CDH13: variants seen among roughly 807,000 people sequenced by gnomAD.
CDH13 encodes cadherin-13.
In CDH13, 24 loss-of-function variants were observed where a neutral mutation model predicts 63.8. The ratio of observed to expected loss-of-function variants is 0.38; its 90% confidence interval spans 0.27 to 0.53. The LOEUF (loss-of-function observed/expected upper bound fraction) is 0.53. CDH13 is among the 20% of genes least tolerant of loss of function. The pLI, the probability that CDH13 is intolerant of heterozygous loss-of-function variation, is 0.85. For missense variants in CDH13, 1,049 were observed against 903.1 expected (o/e 1.16, Z -2.07); for synonymous variants, 503 against 355.3 (o/e 1.42, Z -4.67).
At chr16:82,761,541 G>A (rs2034858456) in intron 1 of CDH13, among the ~76,000 whole-genome samples, 1 of 152,162 alleles carries the variant, frequency 6.6e-6, no homozygotes, top group South Asian at 2.1e-4. Flanking sequence ...GGATCAGTTG[G>A]TTTCATCACA....
At chr16:82,833,758 G>A (rs563046766) in intron 1 of CDH13, among the ~76,000 whole-genome samples, 1 of 152,314 alleles carries the variant, frequency 6.6e-6, no homozygotes, top group East Asian at 1.9e-4. Flanking sequence ...TGGGGTTGAA[G>A]GAAGCCCTGG....
At chr16:82,845,677 G>A (rs1369676839) in intron 1 of CDH13, among the ~76,000 whole-genome samples, 6 of 152,082 alleles carry the variant, frequency 3.9e-5, no homozygotes, top group Non-Finnish European at 8.8e-5. Flanking sequence ...GGCTACTAAG[G>A]CCCACCCAAG....
At chr16:83,598,744 A>G (rs976229920) in intron 7 of CDH13, among the ~76,000 whole-genome samples, 1 of 152,184 alleles carries the variant, frequency 6.6e-6, no homozygotes, top group Non-Finnish European at 1.5e-5. Flanking sequence ...AACAACAACA[A>G]CAACAAACTC....
intron 4 of CDH13, among the ~76,000 whole-genome samples, chr16:83,216,945 A>T (rs116981863): frequency 6.6e-6 from 1 of 152,084 alleles, no homozygotes; most frequent in African/African-American, 2.4e-5. Flanking sequence ...AATACCTGGA[A>T]TCTTGATCAA....
chr16:83,169,745 A>T (rs914840393), intron 4 of CDH13, among the ~76,000 whole-genome samples: 1 of 152,090 alleles, frequency 6.6e-6, no homozygotes, highest in African/African-American at 2.4e-5. Flanking sequence ...ATTTGAATTA[A>T]TTGGATTTGA....
chr16:83,078,530 G>A (rs943240223), intron 3 of CDH13, among the ~76,000 whole-genome samples: 1 of 152,220 alleles, frequency 6.6e-6, no homozygotes, highest in Admixed American at 6.5e-5. Context: ...AGCTCAGGCA[G>A]TAATGCTCAC....
chr16:83,169,238 G>A lies in CDH13; in HGVS notation c.483+43737G>A, dbSNP rs192156507. On this transcript the variant is annotated intron_variant, in intron 4 of 13. Coordinates refer to ENST00000567109, the MANE Select transcript of CDH13 (RefSeq NM_001257.5). ...TGTCGCCAGGCTGGAGTGCAGTGGC[G>A]GGATCTTGGCTCACTGCAACCTCCA... Among the ~76,000 whole-genome samples the A allele has an allele frequency of 7.8e-4, 118 of 151,656 alleles. 2 individuals carry two copies. Among genetic ancestry groups the A allele is most frequent in the Non-Finnish European group, 1.0e-3 (70 of 67,898 alleles).
chr16:83,755,785 G>T lies in CDH13; in HGVS notation c.1681+7535G>T, dbSNP rs750977586. Among the ~76,000 whole-genome samples the T allele has an allele frequency of 5.3e-5, 8 of 151,438 alleles. No homozygotes were observed. The East Asian group carries it at 1.2e-3, about 22-fold the overall frequency. ...AAAAATGGAATTGTATTGCAAGCAGGTTTATGCCTTTTACTGAAGAGAATA... is the reference window on the plus strand; with the variant it reads ...AAAAATGGAATTGTATTGCAAGCAGTTTTATGCCTTTTACTGAAGAGAATA... On this transcript the variant is annotated intron_variant, in intron 11 of 13. Coordinates refer to ENST00000567109, the MANE Select transcript of CDH13 (RefSeq NM_001257.5).
chr16:83,675,968 C>T (rs572567807), intron 9 of CDH13, among the ~76,000 whole-genome samples: 1 of 152,252 alleles, frequency 6.6e-6, no homozygotes, highest in East Asian at 1.9e-4. Context: ...GTGCTAGGTG[C>T]TGTGTATTCA....
At chr16:82,689,430 C>T (rs1036618136) in intron 1 of CDH13, among the ~76,000 whole-genome samples, 2 of 152,108 alleles carry the variant, frequency 1.3e-5, no homozygotes, top group Non-Finnish European at 2.9e-5. Flanking sequence ...AGTTTAGTAA[C>T]CTCCTTTTAC....
intron 1 of CDH13, among the ~76,000 whole-genome samples, chr16:82,755,935 C>A (rs538431226): frequency 6.6e-6 from 1 of 152,022 alleles, no homozygotes; most frequent in Non-Finnish European, 1.5e-5. Context: ...CAGAGAGGGG[C>A]CAGGAAGACT....
intron 4 of CDH13, among the ~76,000 whole-genome samples, chr16:83,170,350 G>T (rs72800271): frequency 0.081 from 12,325 of 152,138 alleles, 610 homozygotes; most frequent in Middle Eastern, 0.2. Context: ...ACAAGGTCAG[G>T]GGTGGTGAGA....
At chr16:82,961,333 C>T (rs1025995502) in intron 2 of CDH13, among the ~76,000 whole-genome samples, 1 of 152,084 alleles carries the variant, frequency 6.6e-6, no homozygotes, top group Non-Finnish European at 1.5e-5. Context: ...GAAAAGGAAA[C>T]GTCACTAACC....
intron 4 of CDH13, among the ~76,000 whole-genome samples, chr16:83,127,377 A>G (rs540850649): frequency 6.6e-6 from 1 of 152,314 alleles, no homozygotes; most frequent in East Asian, 1.9e-4. Context: ...GTGGAAGCAA[A>G]GAGACCCACT....
intron 5 of CDH13, among the ~76,000 whole-genome samples, chr16:83,222,799 C>G (rs2039734952): frequency 6.6e-6 from 1 of 152,158 alleles, no homozygotes; most frequent in Admixed American, 6.5e-5. Flanking sequence ...GCCAAGTAAC[C>G]TAGCTGACAA....
chr16:83,325,911 A>G (rs1172496684), intron 5 of CDH13, among the ~76,000 whole-genome samples: 1 of 152,300 alleles, frequency 6.6e-6, no homozygotes, highest in East Asian at 1.9e-4. Context: ...AACGAAGTCC[A>G]CAATGTCCCT....
At chr16:83,311,823 C>G (rs1322685250) in intron 5 of CDH13, among the ~76,000 whole-genome samples, 2 of 152,142 alleles carry the variant, frequency 1.3e-5, no homozygotes, top group East Asian at 3.9e-4. Flanking sequence ...GCCTGTAATC[C>G]CAGCACTTTG....
At chr16:83,091,934 T>C (rs2033932241) in intron 3 of CDH13, among the ~76,000 whole-genome samples, 1 of 152,248 alleles carries the variant, frequency 6.6e-6, no homozygotes, top group South Asian at 2.1e-4. Context: ...TGTGTGCCTA[T>C]AAATATAATT....
chr16:82,883,200 A>T (rs1365868772), intron 2 of CDH13, among the ~76,000 whole-genome samples: 1 of 152,208 alleles, frequency 6.6e-6, no homozygotes, highest in Non-Finnish European at 1.5e-5. Context: ...GGAAAATATG[A>T]CCTACTAAGC....
Sources: allele counts gnomAD v4.1 joint callset (sites outside exome capture counted in the v4.1 genomes callset), GRCh38; gene constraint gnomAD v4.1.1; transcripts MANE v1.5; gene names NCBI Gene and HGNC (gene_info 2026-07-23, HGNC 2026-07-21).